Variants in ATP2B2 observed in about 807,000 individuals in gnomAD.
The protein encoded by ATP2B2 is plasma membrane calcium-transporting ATPase 2.
A neutral mutation model predicts 120.0 loss-of-function variants in ATP2B2; 15 were observed. The ratio of observed to expected loss-of-function variants is 0.12; its 90% CI spans 0.08 to 0.19. The LOEUF is 0.19. ATP2B2 is among the 10% of genes least tolerant of loss of function. The pLI is 1.00. For synonymous variants in ATP2B2, 694 were observed against 700.3 expected, an observed-to-expected ratio of 0.99 and a Z score of 0.14; for missense variants, 1,045 against 1,719.8, an observed-to-expected ratio of 0.61 and a Z score of 6.94.
chr3:10,696,460 T>C (rs1264244401), intron 1 of ATP2B2, among the ~76,000 whole-genome samples: 1 of 152,180 alleles, frequency 6.6e-6, no homozygotes, highest in Non-Finnish European at 1.5e-5. Flanking sequence ...ATGTTCTCCA[T>C]GCTCTTCTGC....
chr3:10,560,056 A>C (rs1424169586), intron 2 of ATP2B2, among the ~76,000 whole-genome samples: 2 of 152,200 alleles, frequency 1.3e-5, no homozygotes, highest in Non-Finnish European at 2.9e-5. Context: ...CTCAAACCTT[A>C]ACAGTTGGCC....
chr3:10,701,120 G>T (rs1463680687), intron 1 of ATP2B2, among the ~76,000 whole-genome samples: 1 of 152,194 alleles, frequency 6.6e-6, no homozygotes, highest in African/African-American at 2.4e-5. Flanking sequence ...AAGAGGAAGA[G>T]GGGGAGGAGG....
Position 10,696,958 on chromosome 3 carries a change from T to C in ATP2B2, c.-460+10957A>G, listed in dbSNP as rs962154766. On this transcript the variant is annotated intron_variant, in intron 1 of 21. Transcript: ENST00000646379. ...GAATAGCTCCATTATTAAATTTTTA[T>C]GATATGCTTGGTACTGGAAACATTG... 5.3e-5 allele frequency among the ~76,000 whole-genome samples: 8 copies of C among 152,336 alleles called. 1 individual carries two copies. The East Asian group carries it at 1.5e-3, about 29-fold the overall frequency.
chr3:10,668,215 G>C (rs1309934586), intron 1 of ATP2B2, among the ~76,000 whole-genome samples: 1 of 152,228 alleles, frequency 6.6e-6, no homozygotes, highest in Non-Finnish European at 1.5e-5. Flanking sequence ...CTGTGCATTT[G>C]ATCCCCACAA....
intron 2 of ATP2B2, among the ~76,000 whole-genome samples, chr3:10,599,032 G>C (rs1435715945): frequency 4.6e-5 from 7 of 152,230 alleles, no homozygotes; most frequent in Non-Finnish European, 1.0e-4. Context: ...GTAACAATTG[G>C]CTTCAGAGAG....
chr3:10,450,361 G>A (rs969651942), intron 1 of ATP2B2, among the ~76,000 whole-genome samples: 2 of 151,446 alleles, frequency 1.3e-5, no homozygotes, highest in Admixed American at 6.6e-5. Context: ...GTTTACACAC[G>A]CCCCATGCCC....
chr3:10,551,062 C>G (rs994789752), intron 2 of ATP2B2, among the ~76,000 whole-genome samples: 1 of 152,180 alleles, frequency 6.6e-6, no homozygotes, highest in Admixed American at 6.5e-5. Context: ...TCCCTCTACT[C>G]TCATTTAGGT....
intron 2 of ATP2B2, among the ~76,000 whole-genome samples, chr3:10,549,177 C>T (rs1473930356): frequency 6.6e-6 from 1 of 152,198 alleles, no homozygotes; most frequent in Admixed American, 6.5e-5. Flanking sequence ...ATGGAGGTGC[C>T]TGAGCCATGT....
At chr3:10,535,439 G>A (rs960964746) in intron 2 of ATP2B2, among the ~76,000 whole-genome samples, 2 of 151,698 alleles carry the variant, frequency 1.3e-5, no homozygotes, top group African/African-American at 4.8e-5. Context: ...AATGTTATCT[G>A]TAGTTTTGTG....
rs187133483 is a variant in ATP2B2, at chr3:10,474,533, G to A, written c.-319-24671C>T. On this transcript the variant is annotated intron_variant, in intron 1 of 22. Transcript: ENST00000360273. ...TAGAGGTCAGGTAGAGGAGGAGACC[G>A]GAGCCACGCAGCCACCCTGGCAGAC... Among the ~76,000 whole-genome samples the A allele has an allele frequency of 4.3e-3, 653 of 152,302 alleles. 4 individuals carry two copies. The highest frequency in any genetic ancestry group is 5.9e-3 in the Non-Finnish European group (403 of 68,018).
intron 2 of ATP2B2, among the ~76,000 whole-genome samples, chr3:10,561,037 A>G (rs2067893013): frequency 6.6e-6 from 1 of 152,170 alleles, no homozygotes; most frequent in Non-Finnish European, 1.5e-5. Flanking sequence ...ATGACCTTCC[A>G]TCACCCTCTA....
chr3:10,351,364 C>G (rs985838195), intron 14 of ATP2B2, among the ~76,000 whole-genome samples: 3 of 151,972 alleles, frequency 2.0e-5, no homozygotes, highest in African/African-American at 7.2e-5. Flanking sequence ...GTGATTCTTA[C>G]CCGAGGGCAG....
At chr3:10,406,138 T>C (rs1451359622) in intron 3 of ATP2B2, among the ~76,000 whole-genome samples, 1 of 152,232 alleles carries the variant, frequency 6.6e-6, no homozygotes, top group African/African-American at 2.4e-5. Context: ...GGAAGTGATA[T>C]AGCCAGGACT....
chr3:10,624,272 T>C (rs531952809), intron 1 of ATP2B2, among the ~76,000 whole-genome samples: 2 of 152,346 alleles, frequency 1.3e-5, no homozygotes, highest in East Asian at 1.9e-4. Flanking sequence ...TTCAGAGATT[T>C]AGTAAGTCTA....
chr3:10,408,682 C>A (rs1200160223), intron 3 of ATP2B2, among the ~76,000 whole-genome samples: 1 of 152,188 alleles, frequency 6.6e-6, no homozygotes, highest in Non-Finnish European at 1.5e-5. Context: ...CCTCTCTGGG[C>A]CTTGGTTTCT....
chr3:10,423,092 G>A (rs1186685256), intron 2 of ATP2B2, among the ~76,000 whole-genome samples: 3 of 152,084 alleles, frequency 2.0e-5, no homozygotes, highest in Non-Finnish European at 4.4e-5. Flanking sequence ...CCCTGAGAAA[G>A]GTTTACTGGA....
At chr3:10,352,321 C>A (rs545816911) in intron 14 of ATP2B2, among the ~76,000 whole-genome samples, 1 of 152,366 alleles carries the variant, frequency 6.6e-6, no homozygotes, top group East Asian at 1.9e-4. Flanking sequence ...CCACCAGTGA[C>A]CTGCCTGAGT....
chr3:10,600,120 C>T lies in ATP2B2; in HGVS notation c.-415+19797G>A, dbSNP rs907911898. ...AGAGGGGCTGGGGCTGGTGGGGGGCCATGGGGGCCACACCCCTGCACTGCC... is the reference window on the plus strand; with the variant it reads ...AGAGGGGCTGGGGCTGGTGGGGGGCTATGGGGGCCACACCCCTGCACTGCC... On this transcript the variant is annotated intron_variant, in intron 2 of 21. Transcript: ENST00000646379. Among the ~76,000 whole-genome samples, 3 of 149,488 alleles carry T rather than the reference C, an allele frequency of 2.0e-5. No individual in the cohort carries two copies. The East Asian group carries it at 5.9e-4, about 29-fold the overall frequency.
chr3:10,590,999 G>T (rs1468863188), intron 2 of ATP2B2, among the ~76,000 whole-genome samples: 1 of 151,842 alleles, frequency 6.6e-6, no homozygotes, highest in African/African-American at 2.4e-5. Flanking sequence ...TGTCCCTGTA[G>T]GTATGTGAGC....
Sources: allele counts gnomAD v4.1 joint callset (sites outside exome capture counted in the v4.1 genomes callset), GRCh38; gene constraint gnomAD v4.1.1; transcripts MANE v1.5; gene names NCBI Gene and HGNC (gene_info 2026-07-23, HGNC 2026-07-21).